FRYL: variants seen among roughly 807,000 people sequenced by gnomAD.
FRYL encodes the protein FRY like transcription coactivator.
Under a neutral mutation model 351.2 loss-of-function variants are expected in FRYL, and 150 were observed. That is an observed-to-expected ratio of 0.43 (90% confidence interval 0.37 to 0.49). The LOEUF is 0.49. Ranked by LOEUF, FRYL falls within the 20% of genes least tolerant of loss-of-function variation. The pLI is 0.00. For missense variants in FRYL, 3,036 were observed against 3,619.3 expected, an observed-to-expected ratio of 0.84 and a Z score of 4.13; for synonymous variants, 1,153 against 1,257.1, an observed-to-expected ratio of 0.92 and a Z score of 1.75.
chr4:48,657,761 T>C (rs1759549753), intron 3 of FRYL, among the ~76,000 whole-genome samples: 1 of 4,828 alleles, frequency 2.1e-4, no homozygotes, highest in Non-Finnish European at 0.011. Flanking sequence ...AAATGGTAAG[T>C]TTTAAAACAT....
rs1746886345 is a variant in FRYL, at chr4:48,606,624, A to G, written c.573-18T>C. ...CCTGAAACCTTTAATATACGTGGAG[A>G]CATCATTTGATTTGAATTAAAAACA... On this transcript the variant is annotated intron_variant, in intron 9 of 63. Transcript: ENST00000358350. The G allele has an allele frequency of 6.4e-7, 1 of 1,556,934 alleles. No homozygotes were observed.
In FRYL at chr4:48,590,813, G is replaced by C. The variant is rs761267320; in HGVS notation, c.1353C>G (p.Leu451=). The C allele has an allele frequency of 1.2e-6, 2 of 1,612,066 alleles. No homozygotes were observed. The highest frequency in any genetic ancestry group is 2.2e-5 in the South Asian group (2 of 90,524). Residue 451 remains leucine, a synonymous_variant, in exon 17 of 64, where the codon CTC becomes CTG. Transcript: ENST00000358350. ...TGTCTGCTATTACAAGGAAGACTCT[G>C]AGACCTATGTTCATTCTCTTCAAAG... ...TINPERMNIG[L]RVFLVIADSL... is the part of the protein sequence containing the mutation.
At chr4:48,705,939 C>A (rs1029463555) in intron 2 of FRYL, among the ~76,000 whole-genome samples, 2 of 152,042 alleles carry the variant, frequency 1.3e-5, no homozygotes, top group African/African-American at 4.8e-5. Context: ...TGGGTTCAAG[C>A]GATTCTCCTG....
chr4:48,607,880 A>G (rs928642964), intron 9 of FRYL, among the ~76,000 whole-genome samples: 1 of 152,180 alleles, frequency 6.6e-6, no homozygotes, highest in Non-Finnish European at 1.5e-5. Flanking sequence ...CCTGGATCCA[A>G]CTTGCTAATA....
At chr4:48,557,371 T>C in intron 34 of FRYL, 82 bp downstream of exon 34, 2 of 1,529,726 alleles carry the variant, frequency 1.3e-6, no homozygotes, top group Non-Finnish European at 1.8e-6. Flanking sequence ...CACAGGATTA[T>C]GGAACCTCTT....
intron 3 of FRYL, among the ~76,000 whole-genome samples, chr4:48,652,887 G>A (rs1758012657): frequency 6.6e-6 from 1 of 152,132 alleles, no homozygotes; most frequent in Non-Finnish European, 1.5e-5. Context: ...GCCACTGTAT[G>A]ACCTTGGAAA....
chr4:48,657,066 G>T (rs1191456455), intron 3 of FRYL, among the ~76,000 whole-genome samples: 1 of 152,156 alleles, frequency 6.6e-6, no homozygotes, highest in Non-Finnish European at 1.5e-5. Context: ...GTTTAGCAAA[G>T]TATTAACTAG....
At chr4:48,747,772 G>C (rs891520770) in intron 1 of FRYL, among the ~76,000 whole-genome samples, 1 of 152,106 alleles carries the variant, frequency 6.6e-6, no homozygotes, top group African/African-American at 2.4e-5. Context: ...ATAAAAAATA[G>C]CATATGTATT....
intron 7 of FRYL, among the ~76,000 whole-genome samples, chr4:48,615,072 C>T (rs1161036969): frequency 1.3e-5 from 2 of 152,074 alleles, no homozygotes; most frequent in Non-Finnish European, 2.9e-5. Flanking sequence ...GTGATCCACC[C>T]GTCTCGGCCT....
At chr4:48,707,906 C>T (rs1205155900) in intron 2 of FRYL, among the ~76,000 whole-genome samples, 1 of 151,484 alleles carries the variant, frequency 6.6e-6, no homozygotes, top group Non-Finnish European at 1.5e-5. Context: ...CTACAACCTC[C>T]GCCTCCTGGG....
chr4:48,778,856 C>A (rs2109452717), intron 1 of FRYL, among the ~76,000 whole-genome samples: 1 of 152,098 alleles, frequency 6.6e-6, no homozygotes, highest in African/African-American at 2.4e-5. Context: ...CAGACCCTGG[C>A]AACCTGTCTT....
chr4:48,718,415 A>G (rs745817262), intron 1 of FRYL, among the ~76,000 whole-genome samples: 3 of 151,594 alleles, frequency 2.0e-5, no homozygotes, highest in Non-Finnish European at 4.4e-5. Flanking sequence ...ATTTTAAACA[A>G]ATATTCTATT....
chr4:48,608,104 T>C (rs559970112), intron 9 of FRYL, among the ~76,000 whole-genome samples: 2 of 152,276 alleles, frequency 1.3e-5, no homozygotes, highest in African/African-American at 4.8e-5. Flanking sequence ...AAAATTATCA[T>C]CTATATCTAA....
intron 55 of FRYL, among the ~76,000 whole-genome samples, chr4:48,520,243 A>G (rs1724617466): frequency 1.3e-5 from 2 of 152,210 alleles, no homozygotes; most frequent in Non-Finnish European, 2.9e-5. Flanking sequence ...CTAATAAGGA[A>G]GCCAAAGTGC....
At chr4:48,676,564 T>G (rs1763721143) in intron 3 of FRYL, among the ~76,000 whole-genome samples, 1 of 149,362 alleles carries the variant, frequency 6.7e-6, no homozygotes, top group East Asian at 1.9e-4. Context: ...TTTTTTTTTT[T>G]GTATTTTTAT....
At chr4:48,661,544 GC>G (rs1760719701) in intron 3 of FRYL, among the ~76,000 whole-genome samples, 1 of 152,170 alleles carries the variant, frequency 6.6e-6, no homozygotes, top group South Asian at 2.1e-4. Flanking sequence ...AACTATCTAA[GC>G]ACTCCTTAAA....
At chr4:48,545,248 AAATGC>A (rs1173697753) in intron 42 of FRYL, among the ~76,000 whole-genome samples, 4 of 152,244 alleles carry the variant, frequency 2.6e-5, no homozygotes, top group Non-Finnish European at 5.9e-5. Context: ...TTTGCTGGTG[AAATGC>A]AATGAGAATA....
intron 7 of FRYL, among the ~76,000 whole-genome samples, chr4:48,612,586 T>C (rs1748449427): frequency 6.6e-6 from 1 of 152,108 alleles, no homozygotes; most frequent in Non-Finnish European, 1.5e-5. Context: ...TTTTTATTTA[T>C]TTATTTTTGA....
intron 1 of FRYL, among the ~76,000 whole-genome samples, chr4:48,748,512 T>C (rs1484196379): frequency 1.3e-5 from 2 of 152,134 alleles, no homozygotes; most frequent in Non-Finnish European, 2.9e-5. Flanking sequence ...TTTTCCTCCT[T>C]CCTCCTGACT....
Sources: allele counts gnomAD v4.1 joint callset (sites outside exome capture counted in the v4.1 genomes callset), GRCh38; gene constraint gnomAD v4.1.1; transcripts MANE v1.5; gene names NCBI Gene and HGNC (gene_info 2026-07-23, HGNC 2026-07-21).